Variants in CAGE1 observed in about 807,000 individuals in gnomAD.
The protein encoded by CAGE1 is cancer antigen 1.
In CAGE1, 66 loss-of-function variants were observed where a neutral mutation model predicts 94.9. The ratio of observed to expected loss-of-function variants is 0.70; its 90% CI spans 0.57 to 0.85. The LOEUF is 0.85. Ranked by LOEUF, CAGE1 falls within the 40% of genes least tolerant of loss-of-function variation. The pLI is 0.00. For synonymous variants in CAGE1, 319 were observed against 321.0 expected (o/e 0.99, Z 0.07); for missense variants, 865 against 950.4 (o/e 0.91, Z 1.18).
At position 7,356,054 on chromosome 6, in the gene CAGE1, G is replaced by A. The variant is rs888266112; in HGVS notation, c.2269C>T (p.Gln757Ter). 2 of 1,547,244 alleles carry A rather than the reference G, an allele frequency of 1.3e-6. No individual in the cohort carries two copies. The highest frequency in any genetic ancestry group is 4.9e-5 in the East Asian group (2 of 40,882). Residue 757 changes from glutamine (Q) to a stop codon, truncating the protein, a stop_gained, in exon 10 of 14, where the codon CAA becomes TAA. Transcript: ENST00000502583. LOFTEE classifies it high-confidence loss of function. ...NRLIEENDKY[Q>*]RHLGNLIKKV... Reference sequence around the variant, plus strand: ...TTTATTAAGTTGCCTAAATGTCTTTGATACTTGTCATTTTCTTCAATGAGT... The same window carrying A: ...TTTATTAAGTTGCCTAAATGTCTTTAATACTTGTCATTTTCTTCAATGAGT...
intron 12 of CAGE1, 49 bp from the exon 13 acceptor site, chr6:7,329,937 G>T: frequency 1.3e-6 from 1 of 786,900 alleles, no homozygotes; most frequent in Non-Finnish European, 2.1e-6. Context: ...AGGGGGGACT[G>T]AAATAGTGAA....
At chr6:7,345,144 G>C (rs1292880065) in intron 11 of CAGE1, among the ~76,000 whole-genome samples, 1 of 42,128 alleles carries the variant, frequency 2.4e-5, no homozygotes, top group African/African-American at 1.7e-4. Context: ...GCTTTTAGGA[G>C]CTAGGTCCAT....
At chr6:7,356,846 G>A (rs1759971493) in intron 9 of CAGE1, among the ~76,000 whole-genome samples, 1 of 151,978 alleles carries the variant, frequency 6.6e-6, no homozygotes, top group African/African-American at 2.4e-5. Flanking sequence ...GCCAAGGTTG[G>A]AGCACAGTGG....
At chr6:7,352,299 AAAAAAAC>A (rs1759802296) in intron 11 of CAGE1, among the ~76,000 whole-genome samples, 1 of 119,846 alleles carries the variant, frequency 8.3e-6, no homozygotes, top group African/African-American at 3.5e-5. Context: ...GCAAAAAAAA[AAAAAAAC>A]AAAAAAAAAC....
chr6:7,368,731 T>A lies in CAGE1; in HGVS notation c.1961A>T (p.Lys654Ile). 1 of 1,556,870 alleles carries A rather than the reference T, an allele frequency of 6.4e-7. No individual in the cohort carries two copies. Among genetic ancestry groups the A allele is most frequent in the Non-Finnish European group, 8.7e-7 (1 of 1,149,496 alleles). Residue 654 changes from lysine to isoleucine, a missense_variant, in exon 7 of 14, where the codon AAA becomes ATA. Transcript: ENST00000502583. Reference protein sequence around the residue: ...SEKVSDIMLQKLKSLHLKKKT... With the variant: ...SEKVSDIMLQILKSLHLKKKT... ...CTTTTTAAGATGGAGGCTCTTCAGT[T>A]TTTGCAGCATTATATCACTAACCTT...
chr6:7,389,720 C>T lies in CAGE1; in HGVS notation c.-542G>A. The T allele has an allele frequency of 1.8e-6, 1 of 551,304 alleles. No homozygotes were observed. Among genetic ancestry groups the T allele is most frequent in the South Asian group, 2.1e-5 (1 of 47,840 alleles). The allele number at this position is 551,304 out of a possible 1,614,324, so 34.2% of individuals were successfully genotyped here. ...AGCACAGAACATCCACAGCCCTATA[C>T]AGCGCGCCATCCAGAGAGCTCCGGA... On this transcript the variant is annotated 5_prime_UTR_variant, in exon 1 of 14. Transcript: ENST00000502583.
chr6:7,352,808 T>C (rs1348605982), intron 11 of CAGE1, among the ~76,000 whole-genome samples: 1 of 152,168 alleles, frequency 6.6e-6, no homozygotes, highest in African/African-American at 2.4e-5. Flanking sequence ...GACACCCTTT[T>C]CAACAAATGG....
chr6:7,375,283 C>T (rs1423256405), intron 4 of CAGE1, among the ~76,000 whole-genome samples: 1 of 151,694 alleles, frequency 6.6e-6, no homozygotes, highest in Non-Finnish European at 1.5e-5. Flanking sequence ...GCGGTGTGCA[C>T]CTGTAGTCCC....
At chr6:7,335,794 C>T (rs911537772) in intron 11 of CAGE1, among the ~76,000 whole-genome samples, 1 of 152,194 alleles carries the variant, frequency 6.6e-6, no homozygotes, top group African/African-American at 2.4e-5. Flanking sequence ...CCAAGCTGGT[C>T]TTGAACTCCT....
chr6:7,335,318 G>A (rs1352258463), intron 11 of CAGE1, among the ~76,000 whole-genome samples: 1 of 152,156 alleles, frequency 6.6e-6, no homozygotes, highest in Non-Finnish European at 1.5e-5. Flanking sequence ...GGATATCTTT[G>A]GGCCATTCCT....
intron 11 of CAGE1, among the ~76,000 whole-genome samples, chr6:7,343,196 A>G (rs1460767695): frequency 6.8e-6 from 1 of 147,810 alleles, no homozygotes. Flanking sequence ...CCCACAAAAA[A>G]AAAAAAGAAA....
chr6:7,378,927 T>G lies in CAGE1; in HGVS notation c.377A>C (p.Lys126Thr). ...SSLRQFETVC[K>T]FHWVEAFDDE... Reference sequence around the variant, plus strand: ...ATCAAATGCTTCTACCCAGTGAAATTTGCAAACGGTTTCAAATTGTCTCAA... The same window carrying G: ...ATCAAATGCTTCTACCCAGTGAAATGTGCAAACGGTTTCAAATTGTCTCAA... Residue 126 changes from lysine (K) to threonine (T), a missense_variant, in exon 4 of 14, where the codon AAA becomes ACA. By Grantham distance (78) the Lys-to-Thr change is moderately conservative. Transcript: ENST00000502583. 1 of 1,601,334 alleles carries G rather than the reference T, an allele frequency of 6.2e-7. No individual in the cohort carries two copies. The highest frequency in any genetic ancestry group is 8.5e-7 in the Non-Finnish European group (1 of 1,172,936).
chr6:7,367,635 TAG>T (rs927268716), intron 7 of CAGE1, among the ~76,000 whole-genome samples: 9 of 151,962 alleles, frequency 5.9e-5, no homozygotes, highest in African/African-American at 1.9e-4. Context: ...TTTAGAGGAG[TAG>T]AGGCCAGCCG....
At chr6:7,365,288 T>G (rs2113432905) in intron 9 of CAGE1, among the ~76,000 whole-genome samples, 180 bp downstream of exon 9, 1 of 152,346 alleles carries the variant, frequency 6.6e-6, no homozygotes, top group African/African-American at 2.4e-5. Context: ...ATTTAAAATT[T>G]CAAAACCCCA....
intron 12 of CAGE1, 127 bp from the exon 13 acceptor site, chr6:7,330,015 G>A: frequency 3.4e-6 from 2 of 584,642 alleles, no homozygotes; most frequent in East Asian, 2.8e-5. Context: ...CGTCATTTAA[G>A]ATAGAACTAT....
intron 3 of CAGE1, among the ~76,000 whole-genome samples, chr6:7,384,997 G>A (rs1470481810): frequency 6.6e-6 from 1 of 150,458 alleles, no homozygotes; most frequent in East Asian, 2.0e-4. Context: ...TGTACCTGGT[G>A]TTTTTTGTTT....
chr6:7,341,117 T>C, intron 11 of CAGE1: 2 of 554,236 alleles, frequency 3.6e-6, no homozygotes, highest in Non-Finnish European at 7.2e-6. Flanking sequence ...TTGGCAGTGA[T>C]GTACTTGTGA....
chr6:7,337,702 C>A (rs1759012288), intron 11 of CAGE1, among the ~76,000 whole-genome samples: 1 of 152,186 alleles, frequency 6.6e-6, no homozygotes, highest in Admixed American at 6.5e-5. Flanking sequence ...ATTCCCTGGT[C>A]TGTTCCATTG....
In CAGE1 at chr6:7,389,515, C is replaced by A; in HGVS notation, c.-337G>T. On this transcript the variant is annotated 5_prime_UTR_variant, in exon 1 of 14. Transcript: ENST00000502583. ...GGCCCGAGCGACCCTACTGTGGGTG[C>A]GGTGTCTTCCCAGAGAGTGGTGAAG... 2.8e-6 allele frequency: 1 copy of A among 356,716 alleles called. No homozygotes were observed. Among genetic ancestry groups the A allele is most frequent in the Non-Finnish European group, 5.6e-6 (1 of 179,576 alleles). 22.1% of individuals were successfully genotyped at this position (356,716 alleles called of 1,614,324 possible).
Sources: allele counts gnomAD v4.1 joint callset (sites outside exome capture counted in the v4.1 genomes callset), GRCh38; gene constraint gnomAD v4.1.1; transcripts MANE v1.5; gene names NCBI Gene and HGNC (gene_info 2026-07-23, HGNC 2026-07-21).